Variants in HS3ST4 observed in about 807,000 individuals in gnomAD.
The protein encoded by HS3ST4 is heparan sulfate-glucosamine 3-sulfotransferase 4.
HS3ST4 carries 17 observed loss-of-function variants against 29.2 expected under a neutral mutation model. That is an observed-to-expected ratio of 0.58 (90% CI 0.40 to 0.87). The LOEUF is 0.87. Ranked by LOEUF, HS3ST4 falls within the 40% of genes least tolerant of loss-of-function variation. HS3ST4 has a pLI of 0.00. For synonymous variants in HS3ST4, 314 were observed against 285.7 expected (o/e 1.10, Z -1.00); for missense variants, 627 against 634.5 (o/e 0.99, Z 0.13).
At chr16:26,081,954 C>A (rs1898730161) in intron 1 of HS3ST4, among the ~76,000 whole-genome samples, 1 of 152,028 alleles carries the variant, frequency 6.6e-6, no homozygotes, top group South Asian at 2.1e-4. Flanking sequence ...CACCACCATG[C>A]TTGGCTAATT....
rs905006233 is a variant in HS3ST4 at position 25,813,975 on chromosome 16, A to G, written c.734+120824A>G. The stretch of plus-strand genomic sequence containing the variant: ...ATACAGTGGCATAGATGCAGCTCAG[A>G]AAACATTATGTTGAGCAAATGAAGC... On this transcript the variant is annotated intron_variant, in intron 1 of 1. Coordinates refer to ENST00000331351, the MANE Select transcript of HS3ST4 (RefSeq NM_006040.3). 4.6e-5 allele frequency among the ~76,000 whole-genome samples: 7 copies of G among 152,378 alleles called. No homozygotes were observed. In the South Asian group the frequency reaches 1.0e-3, roughly 23 times the overall value.
chr16:25,887,339 G>A (rs933125552), intron 1 of HS3ST4, among the ~76,000 whole-genome samples: 1 of 152,118 alleles, frequency 6.6e-6, no homozygotes, highest in Non-Finnish European at 1.5e-5. Flanking sequence ...GCATTAGTAA[G>A]ACAGCTATCC....
intron 1 of HS3ST4, among the ~76,000 whole-genome samples, chr16:26,050,739 T>C (rs547922994): frequency 6.6e-6 from 1 of 152,156 alleles, no homozygotes; most frequent in Non-Finnish European, 1.5e-5. Context: ...CATATTGCTC[T>C]GGTGATAAAT....
chr16:26,097,988 C>T (rs1320936973), intron 1 of HS3ST4, among the ~76,000 whole-genome samples: 1 of 152,216 alleles, frequency 6.6e-6, no homozygotes, highest in Non-Finnish European at 1.5e-5. Flanking sequence ...AAAAAATGCT[C>T]ATCATCACTG....
chr16:25,974,328 C>T (rs1283422030), intron 1 of HS3ST4, among the ~76,000 whole-genome samples: 1 of 152,168 alleles, frequency 6.6e-6, no homozygotes, highest in Non-Finnish European at 1.5e-5. Flanking sequence ...TTAACGTCCC[C>T]TCTGTGACAT....
intron 1 of HS3ST4, among the ~76,000 whole-genome samples, chr16:25,779,876 T>G (rs934265889): frequency 1.3e-5 from 2 of 152,198 alleles, no homozygotes; most frequent in Admixed American, 6.5e-5. Flanking sequence ...GGCGCCTCTG[T>G]GCCAGAGCTG....
At chr16:25,938,633 A>T (rs1968541804) in intron 1 of HS3ST4, among the ~76,000 whole-genome samples, 1 of 151,934 alleles carries the variant, frequency 6.6e-6, no homozygotes, top group Admixed American at 6.6e-5. Flanking sequence ...GCCATTTTTA[A>T]ATTTCCAACA....
intron 1 of HS3ST4, among the ~76,000 whole-genome samples, chr16:26,005,736 A>T (rs1315477443): frequency 6.6e-6 from 1 of 152,004 alleles, no homozygotes; most frequent in Non-Finnish European, 1.5e-5. Context: ...CTGTGTGAAA[A>T]AAAAAAAAAA....
At chr16:25,907,074 G>A (rs1299584061) in intron 1 of HS3ST4, among the ~76,000 whole-genome samples, 1 of 152,136 alleles carries the variant, frequency 6.6e-6, no homozygotes, top group Non-Finnish European at 1.5e-5. Flanking sequence ...GCACATGCCT[G>A]TAGTCCTAGC....
intron 1 of HS3ST4, among the ~76,000 whole-genome samples, chr16:26,030,063 G>A (rs187479062): frequency 2.0e-4 from 31 of 152,160 alleles, no homozygotes; most frequent in Non-Finnish European, 3.7e-4. Context: ...ATGGGTCTAG[G>A]GACATTTGGA....
intron 1 of HS3ST4, among the ~76,000 whole-genome samples, chr16:25,762,124 T>A (rs1333167147): frequency 1.3e-5 from 2 of 152,124 alleles, no homozygotes; most frequent in Admixed American, 1.3e-4. Context: ...CATAAGAGGA[T>A]GTAACCGAGA....
At chr16:26,052,270 C>T (rs1461456669) in intron 1 of HS3ST4, among the ~76,000 whole-genome samples, 1 of 152,132 alleles carries the variant, frequency 6.6e-6, no homozygotes, top group Admixed American at 6.5e-5. Flanking sequence ...GGCTGTCTAC[C>T]CTTTGTTGAA....
In HS3ST4 at chr16:26,134,362, C is replaced by CTTTTCTTT. The variant is rs750289979; in HGVS notation, c.735-1246_735-1245insCTTTTTTT. On this transcript the variant is annotated intron_variant, in intron 1 of 1. Transcript: ENST00000331351. ...CTTTTCTTTTCTTTTCTTTTCTTTT[C>CTTTTCTTT]TTTTTTTTTTTTTTGATTGAGATGG... Among the ~76,000 whole-genome samples the CTTTTCTTT allele has an allele frequency of 5.9e-3, 452 of 76,670 alleles. 2 individuals carry two copies. Among genetic ancestry groups the CTTTTCTTT allele is most frequent in the African/African-American group, 0.02 (423 of 21,276 alleles). The allele number at this position is 76,670 out of a possible 152,430, so 50.3% of individuals were successfully genotyped here.
chr16:25,728,009 A>G (rs1331249717), intron 1 of HS3ST4, among the ~76,000 whole-genome samples: 3 of 152,128 alleles, frequency 2.0e-5, no homozygotes, highest in East Asian at 1.9e-4. Context: ...TTATTAATAT[A>G]TAGATTTTTT....
chr16:25,868,637 G>A (rs948562143), intron 1 of HS3ST4, among the ~76,000 whole-genome samples: 3 of 152,212 alleles, frequency 2.0e-5, no homozygotes, highest in African/African-American at 7.2e-5. Context: ...GAAACCTTGT[G>A]TTCCCTCCAG....
intron 1 of HS3ST4, among the ~76,000 whole-genome samples, chr16:26,117,738 G>A (rs1899219208): frequency 6.6e-6 from 1 of 152,232 alleles, no homozygotes; most frequent in Admixed American, 6.5e-5. Context: ...TGTACAAAGT[G>A]AGTGTGTATG....
chr16:25,797,940 G>A lies in HS3ST4; in HGVS notation c.734+104789G>A, dbSNP rs370981025. Reference sequence around the variant, plus strand: ...TTCTCCACTGGTCAAGCTCTTCATTGCTTTTCATACCCTGTTATCACATGC... The same window carrying A: ...TTCTCCACTGGTCAAGCTCTTCATTACTTTTCATACCCTGTTATCACATGC... On this transcript the variant is annotated intron_variant, in intron 1 of 1. Coordinates refer to ENST00000331351, the MANE Select transcript of HS3ST4 (RefSeq NM_006040.3). 9.5e-4 allele frequency among the ~76,000 whole-genome samples: 144 copies of A among 152,286 alleles called. 2 individuals are homozygous for A. The South Asian group carries it at 0.028, about 30-fold the overall frequency.
chr16:25,760,577 C>T (rs572265177), intron 1 of HS3ST4, among the ~76,000 whole-genome samples: 2 of 152,206 alleles, frequency 1.3e-5, no homozygotes, highest in African/African-American at 4.8e-5. Context: ...TGCCACCACA[C>T]CTAGCTAATT....
At chr16:26,116,532 A>AT (rs1266142212) in intron 1 of HS3ST4, among the ~76,000 whole-genome samples, 3 of 152,154 alleles carry the variant, frequency 2.0e-5, no homozygotes, top group African/African-American at 4.8e-5. Context: ...ATTTTAATAG[A>AT]TTTTTTAATC....
Sources: gnomAD v4.1 joint callset for allele counts (sites outside exome capture counted in the v4.1 genomes callset) on GRCh38, gnomAD v4.1.1 for gene constraint, MANE v1.5 for transcripts, NCBI Gene and HGNC (gene_info 2026-07-23, HGNC 2026-07-21) for gene names.